MPDZ: variants seen among roughly 807,000 people sequenced by gnomAD.
MPDZ encodes multiple PDZ domain crumbs cell polarity complex component, also known as multiple PDZ domain protein.
MPDZ carries 234 observed loss-of-function variants against 239.1 expected under a neutral mutation model. That is an observed-to-expected ratio of 0.98 (90% CI 0.88 to 1.09). The LOEUF is 1.09. Among genes scored for constraint, MPDZ ranks in the 50% least tolerant of loss-of-function variants. The probability of loss-of-function intolerance (pLI) is 0.00; values close to 1 mark genes in which losing one functional copy is unlikely to be tolerated. For synonymous variants in MPDZ, 1,048 were observed against 881.3 expected (o/e 1.19, Z -3.35); for missense variants, 3,175 against 2,510.0 (o/e 1.26, Z -5.66).
At chr9:13,249,575 A>G (rs1967352666) in intron 2 of MPDZ, among the ~76,000 whole-genome samples, 1 of 152,174 alleles carries the variant, frequency 6.6e-6, no homozygotes, top group Non-Finnish European at 1.5e-5. Context: ...ACCCACCGAC[A>G]TCAAGGTATC....
At position 13,222,419 on chromosome 9, in the gene MPDZ, T is replaced by C. The variant is rs35440352; in HGVS notation, c.561A>G (p.Gln187=). ...GAGCCTGTCCATTGATAGCAAGAAT[T>C]TGATCAGTTTCTTTCAATCTTCCAT... ...HRDGRLKETD[Q]ILAINGQALD... The change falls in exon 6 of 47, where the codon CAA becomes CAG. Residue 187 remains glutamine, a synonymous_variant. Transcript: ENST00000319217. 1.2e-3 allele frequency: 1,914 copies of C among 1,612,318 alleles called. 12 individuals are homozygous for C. In the African/African-American group the frequency reaches 0.023, roughly 19 times the overall value.
chr9:13,245,871 T>G (rs1323214454), intron 3 of MPDZ, among the ~76,000 whole-genome samples: 2 of 152,146 alleles, frequency 1.3e-5, no homozygotes, highest in African/African-American at 2.4e-5. Flanking sequence ...AGACACTGTA[T>G]GCACAAATAA....
chr9:13,160,876 G>A (rs868673183), intron 23 of MPDZ, among the ~76,000 whole-genome samples: 2 of 30,058 alleles, frequency 6.7e-5, no homozygotes, highest in African/African-American at 1.8e-4. Context: ...ATATAAAACA[G>A]GTACTTACAT....
chr9:13,167,291 C>T (rs1374450353), intron 22 of MPDZ, among the ~76,000 whole-genome samples: 2 of 152,030 alleles, frequency 1.3e-5, no homozygotes. Context: ...GTAATATGAT[C>T]TGATGATCTG....
intron 34 of MPDZ, among the ~76,000 whole-genome samples, 169 bp downstream of exon 34, chr9:13,126,347 G>A (rs1945111245): frequency 6.6e-6 from 1 of 152,090 alleles, no homozygotes; most frequent in African/African-American, 2.4e-5. Flanking sequence ...AACACCAACT[G>A]GAAAATAAGA....
At position 13,119,519 on chromosome 9, in the gene MPDZ, C is replaced by A. The variant is rs367742001; in HGVS notation, c.5362G>T (p.Val1788Phe). 4 of 1,611,152 alleles carry A rather than the reference C, an allele frequency of 2.5e-6. No homozygotes were observed. Among genetic ancestry groups the A allele is most frequent in the Admixed American group, 1.7e-5 (1 of 59,578 alleles). The change falls in exon 39 of 47, where the codon GTT (valine) becomes TTT (phenylalanine). Residue 1788 changes from valine (V) to phenylalanine (F), a missense_variant. Coordinates refer to ENST00000319217, the MANE Select transcript of MPDZ (RefSeq NM_001378778.1). ...TTTTTTACCTTTAGCAAAGCGGCAA[C>A]CGCTTCTTGGGTGGCATTACGAACG... ...EDVRNATQEA[V>F]AALLKCSLGT...
chr9:13,278,573 C>A (rs938523368), intron 1 of MPDZ, among the ~76,000 whole-genome samples: 2 of 152,220 alleles, frequency 1.3e-5, no homozygotes, highest in African/African-American at 4.8e-5. Context: ...AGACACAAAG[C>A]GTCTCCCAAA....
intron 3 of MPDZ, among the ~76,000 whole-genome samples, chr9:13,231,071 GATCTTTGAGAC>G (rs1167521011): frequency 6.6e-6 from 1 of 152,026 alleles, no homozygotes; most frequent in Non-Finnish European, 1.5e-5. Flanking sequence ...TCAAAAAGTT[GATCTTTGAGAC>G]AAAGATGAGA....
At chr9:13,153,619 T>C (rs1436076264) in intron 24 of MPDZ, among the ~76,000 whole-genome samples, 1 of 152,122 alleles carries the variant, frequency 6.6e-6, no homozygotes, top group Non-Finnish European at 1.5e-5. Flanking sequence ...ATTATAGGCA[T>C]GAGCCACCAC....
At position 13,147,535 on chromosome 9, in the gene MPDZ, T is replaced by C. The variant is rs750803592; in HGVS notation, c.3741+13A>G. 72 of 1,599,282 alleles carry C rather than the reference T, an allele frequency of 4.5e-5. No individual in the cohort carries two copies. Among genetic ancestry groups the C allele is most frequent in the Non-Finnish European group, 5.9e-5 (69 of 1,167,294 alleles). On this transcript the variant is annotated intron_variant, in intron 26 of 46. Coordinates refer to ENST00000319217, the MANE Select transcript of MPDZ (RefSeq NM_001378778.1). ...GTTTGGATATGCCTACCTTGCCCTT[T>C]GTGTTCGCTTACCCTTGGTCTGTTT...
chr9:13,222,425 A>T lies in MPDZ; in HGVS notation c.555T>A (p.Thr185=), dbSNP rs1479797231. ...VAHRDGRLKE[T]DQILAINGQA... ...GTCCATTGATAGCAAGAATTTGATCAGTTTCTTTCAATCTTCCATCTCTAT... is the reference window on the plus strand; with the variant it reads ...GTCCATTGATAGCAAGAATTTGATCTGTTTCTTTCAATCTTCCATCTCTAT... The change falls in exon 6 of 47, where the codon ACT becomes ACA. Residue 185 remains threonine (T), a synonymous_variant. Coordinates refer to ENST00000319217, the MANE Select transcript of MPDZ (RefSeq NM_001378778.1). 1.9e-6 allele frequency: 3 copies of T among 1,612,186 alleles called. No homozygotes were observed. Among genetic ancestry groups the T allele is most frequent in the Non-Finnish European group, 2.5e-6 (3 of 1,179,024 alleles).
rs372705638 is a variant in MPDZ, at chr9:13,148,377, C to G, written c.3631-719G>C. Among the ~76,000 whole-genome samples, 5 of 152,062 alleles carry G rather than the reference C, an allele frequency of 3.3e-5. No individual in the cohort carries two copies. In the East Asian group the frequency reaches 9.7e-4, roughly 29 times the overall value. ...GCCAAATGCTAATTCTGTCAGAAAA[C>G]TATAGGATGTTAGTATCATTTTATC... On this transcript the variant is annotated intron_variant, in intron 25 of 46. Transcript: ENST00000319217.
chr9:13,239,414 T>G (rs1192731822), intron 3 of MPDZ, among the ~76,000 whole-genome samples: 1 of 152,190 alleles, frequency 6.6e-6, no homozygotes, highest in African/African-American at 2.4e-5. Context: ...GACTTTATAG[T>G]ATTGTTGTAA....
intron 27 of MPDZ, chr9:13,141,030 G>C (rs889476806): frequency 2.6e-5 from 4 of 151,014 alleles, no homozygotes; most frequent in African/African-American, 4.9e-5. Context: ...GGAAACACAG[G>C]AGACTCCTTA....
intron 23 of MPDZ, among the ~76,000 whole-genome samples, chr9:13,159,561 C>G (rs1950222261): frequency 6.6e-6 from 1 of 152,058 alleles, no homozygotes; most frequent in Non-Finnish European, 1.5e-5. Flanking sequence ...ACGAAGAAAG[C>G]AGAGTTAGAA....
chr9:13,223,157 C>T (rs1390492616), intron 5 of MPDZ, among the ~76,000 whole-genome samples: 2 of 151,868 alleles, frequency 1.3e-5, no homozygotes, highest in African/African-American at 2.4e-5. Flanking sequence ...GATTTTAGTA[C>T]CTGCAGGAGT....
Position 13,105,719 on chromosome 9 carries a change from T to G in MPDZ, c.*1246A>C, listed in dbSNP as rs530602082. ...TGCTTGCTGCTTATTTGTGCACCAC[T>G]GAAAATTCTTATTTATTCACTTTAA... On this transcript the variant is annotated 3_prime_UTR_variant, in exon 47 of 47. Coordinates refer to ENST00000319217, the MANE Select transcript of MPDZ (RefSeq NM_001378778.1). 2 of 152,200 alleles carry G rather than the reference T, an allele frequency of 1.3e-5. No individual in the cohort carries two copies. Among genetic ancestry groups the G allele is most frequent in the Non-Finnish European group, 2.9e-5 (2 of 68,022 alleles). The allele number at this position is 152,200 out of a possible 1,614,324, so 9.4% of individuals were successfully genotyped here.
chr9:13,215,071 G>A (rs960574361), intron 10 of MPDZ, among the ~76,000 whole-genome samples: 2 of 151,840 alleles, frequency 1.3e-5, no homozygotes, highest in Non-Finnish European at 2.9e-5. Context: ...CAGGTCTCCG[G>A]AATTTTTTCA....
chr9:13,236,713 C>T (rs766365959), intron 3 of MPDZ, among the ~76,000 whole-genome samples: 2 of 151,622 alleles, frequency 1.3e-5, no homozygotes, highest in Non-Finnish European at 2.9e-5. Flanking sequence ...TATTTATGAA[C>T]ACTCGAATAA....
Sources: allele counts gnomAD v4.1 joint callset (sites outside exome capture counted in the v4.1 genomes callset), GRCh38; gene constraint gnomAD v4.1.1; transcripts MANE v1.5; gene names NCBI Gene and HGNC (gene_info 2026-07-23, HGNC 2026-07-21).